Variants in PDE8B observed in about 807,000 individuals in gnomAD.
PDE8B encodes phosphodiesterase 8B.
In PDE8B, 26 loss-of-function variants were observed where a neutral mutation model predicts 101.3. That is an observed-to-expected ratio of 0.26 (90% confidence interval 0.19 to 0.36). The LOEUF (loss-of-function observed/expected upper bound fraction) is 0.36. PDE8B is among the 10% of genes least tolerant of loss of function. The pLI, the probability that PDE8B is intolerant of heterozygous loss-of-function variation, is 1.00. For missense variants in PDE8B, 810 were observed against 1,163.1 expected (o/e 0.70, Z 4.42); for synonymous variants, 424 against 429.3 (o/e 0.99, Z 0.15).
At chr5:77,349,390 A>C (rs1266355685) in intron 7 of PDE8B, 29 bp from the exon 8 acceptor site, 8 of 1,613,866 alleles carry the variant, frequency 5.0e-6, no homozygotes, top group Non-Finnish European at 6.8e-6. Flanking sequence ...GTGTCCCCGC[A>C]CTGATCTGTA....
At chr5:77,373,804 A>G (rs1224465377) in intron 10 of PDE8B, among the ~76,000 whole-genome samples, 1 of 152,180 alleles carries the variant, frequency 6.6e-6, no homozygotes, top group African/African-American at 2.4e-5. Context: ...TGCATTAGCT[A>G]TCCTTTTTAT....
chr5:77,314,647 T>G lies in PDE8B; in HGVS notation c.399+2594T>G, dbSNP rs538846594. On this transcript the variant is annotated intron_variant, in intron 2 of 21. Transcript: ENST00000264917. ...ATTATGTATTATAGGATTAAATTCC[T>G]TAGGATTTTCTATGTACAAGATCAT... Among the ~76,000 whole-genome samples, 165 of 152,256 alleles carry G rather than the reference T, an allele frequency of 1.1e-3. 1 individual carries two copies. In the Middle Eastern group the frequency reaches 0.017, roughly 16 times the overall value.
At chr5:77,118,782 A>T in the PDE8B span, 1 of 164,444 alleles carries the variant, frequency 6.1e-6, no homozygotes, top group Non-Finnish European at 1.3e-5. Flanking sequence ...ACACCTATTA[A>T]CCGATAAGGG....
chr5:77,124,489 T>C, the PDE8B span, among the ~76,000 whole-genome samples: 39 of 151,806 alleles, frequency 2.6e-4, no homozygotes, highest in African/African-American at 9.4e-4. Flanking sequence ...TGGGAGGCTA[T>C]GATGGGAGGA....
intron 3 of PDE8B, among the ~76,000 whole-genome samples, chr5:77,326,740 A>AT (rs2150244633): frequency 6.6e-6 from 1 of 152,254 alleles, no homozygotes; most frequent in Non-Finnish European, 1.5e-5. Flanking sequence ...ATTTTTGATG[A>AT]TTTTATAATA....
chr5:77,228,354 G>A (rs1261603119), intron 1 of PDE8B, among the ~76,000 whole-genome samples: 5 of 152,160 alleles, frequency 3.3e-5, no homozygotes, highest in African/African-American at 9.7e-5. Context: ...GGAATCATTG[G>A]GGGCTGTGTT....
chr5:77,239,209 C>T (rs975232134), intron 1 of PDE8B, among the ~76,000 whole-genome samples: 2 of 152,182 alleles, frequency 1.3e-5, no homozygotes, highest in African/African-American at 2.4e-5. Context: ...TCCGTTTTAG[C>T]AGGGAATCAA....
rs761708555 is a variant in PDE8B at position 77,316,522 on chromosome 5, G to A, written c.399+4469G>A. 5.9e-5 allele frequency among the ~76,000 whole-genome samples: 9 copies of A among 152,068 alleles called. No homozygotes were observed. The South Asian group carries it at 8.3e-4, about 14-fold the overall frequency. ...GCTGGGATTACAGGGGTGAGCCACC[G>A]TGCCCGGCCTGAAATTATTTTTAAT... is the stretch of plus-strand genomic sequence containing the variant. On this transcript the variant is annotated intron_variant, in intron 2 of 21. Transcript: ENST00000264917.
the PDE8B span, among the ~76,000 whole-genome samples, chr5:77,183,767 C>T: frequency 2.0e-5 from 3 of 152,072 alleles, no homozygotes; most frequent in African/African-American, 4.8e-5. Context: ...ATGGGTAAAC[C>T]GTAATTTATT....
chr5:77,375,857 G>A (rs370117656), intron 10 of PDE8B, among the ~76,000 whole-genome samples: 79 of 151,334 alleles, frequency 5.2e-4, no homozygotes, highest in East Asian at 4.9e-3. Context: ...TTAGGGTACA[G>A]GAGTGTTAAT....
At chr5:77,190,484 G>A in the PDE8B span, among the ~76,000 whole-genome samples, 4 of 152,202 alleles carry the variant, frequency 2.6e-5, no homozygotes, top group African/African-American at 7.2e-5. Flanking sequence ...TGATAAATGG[G>A]ATAATAGAAG....
At chr5:77,109,174 A>G in the PDE8B span, among the ~76,000 whole-genome samples, 1 of 152,262 alleles carries the variant, frequency 6.6e-6, no homozygotes, top group Non-Finnish European at 1.5e-5. Context: ...CTGCACTGAG[A>G]GTCAGGACTC....
intron 12 of PDE8B, among the ~76,000 whole-genome samples, chr5:77,406,889 G>A (rs944897366): frequency 2.0e-5 from 3 of 152,198 alleles, no homozygotes; most frequent in East Asian, 1.9e-4. Flanking sequence ...ATGGGCAGGC[G>A]GAGTGACTGG....
At chr5:77,385,990 T>C (rs2150859035) in intron 10 of PDE8B, among the ~76,000 whole-genome samples, 1 of 152,180 alleles carries the variant, frequency 6.6e-6, no homozygotes, top group South Asian at 2.1e-4. Context: ...GGTTTCACTA[T>C]GTTGGCCAGG....
intron 10 of PDE8B, among the ~76,000 whole-genome samples, chr5:77,368,127 T>A (rs1784468217): frequency 6.6e-6 from 1 of 152,208 alleles, no homozygotes; most frequent in Admixed American, 6.5e-5. Context: ...AAAGTGTAAT[T>A]TTGTGTTTGG....
At chr5:77,279,072 C>T (rs1395036068) in intron 1 of PDE8B, among the ~76,000 whole-genome samples, 1 of 152,180 alleles carries the variant, frequency 6.6e-6, no homozygotes, top group African/African-American at 2.4e-5. Context: ...TCTACAATTA[C>T]ATCTTTATAT....
rs77965102 is a variant in PDE8B at position 77,223,549 on chromosome 5, C to T, written c.339+12285C>T. Among the ~76,000 whole-genome samples, 1,009 of 152,174 alleles carry T rather than the reference C, an allele frequency of 6.6e-3. 11 individuals are homozygous for T. The highest frequency in any genetic ancestry group is 0.024 in the African/African-American group (976 of 41,502). On this transcript the variant is annotated intron_variant, in intron 1 of 21. Transcript: ENST00000264917. ...AAACGGAGGAAGAAAGTGAAATTTA[C>T]ATCAAGGTTCTAAGTCAAGCATTTA...
chr5:77,156,709 C>T, the PDE8B span, among the ~76,000 whole-genome samples: 1 of 152,024 alleles, frequency 6.6e-6, no homozygotes, highest in South Asian at 2.1e-4. Context: ...GAGAGGGTGG[C>T]TATCACCATA....
chr5:77,181,700 A>ACGGT, the PDE8B span, among the ~76,000 whole-genome samples: 1 of 152,102 alleles, frequency 6.6e-6, no homozygotes, highest in Non-Finnish European at 1.5e-5. Context: ...CCTTCCATGG[A>ACGGT]CGGTCGGTCG....
Sources: gnomAD v4.1 joint callset for allele counts (sites outside exome capture counted in the v4.1 genomes callset) on GRCh38, gnomAD v4.1.1 for gene constraint, MANE v1.5 for transcripts, NCBI Gene and HGNC (gene_info 2026-07-23, HGNC 2026-07-21) for gene names.